The following SSU72 variants were observed in gnomAD, a reference collection of about 807,000 sequenced individuals.
SSU72 encodes the protein RNA polymerase II subunit A C-terminal domain phosphatase SSU72.
In SSU72, 12 loss-of-function variants were observed where a neutral mutation model predicts 22.7. The observed-to-expected ratio is 0.53, with a 90% confidence interval of 0.34 to 0.86. The LOEUF (loss-of-function observed/expected upper bound fraction) is 0.86. SSU72 is among the 40% of genes least tolerant of loss of function. The pLI, the probability that SSU72 is intolerant of heterozygous loss-of-function variation, is 0.02. For synonymous variants in SSU72, 116 were observed against 98.3 expected, an observed-to-expected ratio of 1.18 and a Z score of -1.06; for missense variants, 151 against 249.8, an observed-to-expected ratio of 0.60 and a Z score of 2.67.
chr1:1,549,130 G>A (rs956029701), intron 2 of SSU72, among the ~76,000 whole-genome samples: 3 of 152,200 alleles, frequency 2.0e-5, no homozygotes, highest in Non-Finnish European at 2.9e-5. Flanking sequence ...ACAGAATCAC[G>A]TTAAAATTCT....
At chr1:1,564,409 C>T in intron 2 of SSU72, 2 of 1,424,062 alleles carry the variant, frequency 1.4e-6, no homozygotes, top group South Asian at 1.5e-5. Flanking sequence ...CACGCACGCA[C>T]ACCAACCTGC....
chr1:1,552,429 C>T (rs937923922), intron 2 of SSU72, among the ~76,000 whole-genome samples: 1 of 152,202 alleles, frequency 6.6e-6, no homozygotes, highest in Admixed American at 6.5e-5. Context: ...GGACCCCCTT[C>T]GATTTTAGGG....
Position 1,542,473 on chromosome 1 carries a change from C to A in SSU72, c.484-306G>T, listed in dbSNP as rs1642334576. On this transcript the variant is annotated intron_variant, in intron 4 of 4. Coordinates refer to ENST00000291386, the MANE Select transcript of SSU72 (RefSeq NM_014188.3). This position sits in a 1 kb window ranked among gnomAD's most constrained non-coding sequence, Gnocchi z 4.4. ...CTGGCGGCCAGGGCTCAGACCCACA[C>A]ATGCACAGCGGGGCCGACCAACCCT... Among the ~76,000 whole-genome samples, 1 of 152,200 alleles carries A rather than the reference C, an allele frequency of 6.6e-6. No homozygotes were observed. Among genetic ancestry groups the A allele is most frequent in the Non-Finnish European group, 1.5e-5 (1 of 68,042 alleles).
chr1:1,567,726 G>A (rs1266974485), intron 1 of SSU72, among the ~76,000 whole-genome samples: 2 of 151,972 alleles, frequency 1.3e-5, no homozygotes, highest in African/African-American at 4.8e-5. Flanking sequence ...ACAACAGCCT[G>A]GCCAACATGG....
chr1:1,560,482 C>T (rs1642575600), intron 2 of SSU72, among the ~76,000 whole-genome samples: 3 of 152,196 alleles, frequency 2.0e-5, no homozygotes, highest in Non-Finnish European at 4.4e-5. Flanking sequence ...TAGACTCGTA[C>T]CCTGACAATC....
chr1:1,570,955 C>T (rs1642722477), intron 1 of SSU72, among the ~76,000 whole-genome samples: 1 of 146,798 alleles, frequency 6.8e-6, no homozygotes, highest in Admixed American at 6.8e-5. Context: ...ACTAAAAATA[C>T]AAAAAATTTG....
intron 2 of SSU72, chr1:1,562,436 C>T (rs1483033681): frequency 6.6e-6 from 1 of 152,296 alleles, no homozygotes; most frequent in African/African-American, 2.4e-5. Flanking sequence ...AAACCAGACT[C>T]TTGAGCACGC....
rs1257605525 is a variant in SSU72, at chr1:1,541,879, G to A, written c.*187C>T. On this transcript the variant is annotated 3_prime_UTR_variant, in exon 5 of 5. Transcript: ENST00000291386. ...ATCAATATCCTGCTCATAAGTAAAA[G>A]TGGAAAAGAAGAAACTTGATTGCTT... The A allele has an allele frequency of 1.2e-5, 7 of 588,076 alleles. No homozygotes were observed. Among genetic ancestry groups the A allele is most frequent in the South Asian group, 2.1e-5 (1 of 48,692 alleles). 36.4% of individuals were successfully genotyped at this position (588,076 alleles called of 1,614,324 possible).
intron 2 of SSU72, among the ~76,000 whole-genome samples, chr1:1,552,264 G>A (rs1249792081): frequency 6.6e-6 from 1 of 152,160 alleles, no homozygotes; most frequent in South Asian, 2.1e-4. Flanking sequence ...GAACTAGGCC[G>A]TCCCATTTTT....
In SSU72 at chr1:1,572,341, T is replaced by C. The variant is rs918141543; in HGVS notation, c.80+2137A>G. ...TACTCAGGAGGCTGAGGCAGGAGAATAGTGTGAACCCAGGAGGCGGAGCTT... is the reference window on the plus strand; with the variant it reads ...TACTCAGGAGGCTGAGGCAGGAGAACAGTGTGAACCCAGGAGGCGGAGCTT... On this transcript the variant is annotated intron_variant, in intron 1 of 4. Transcript: ENST00000291386. Among the ~76,000 whole-genome samples the C allele has an allele frequency of 9.7e-5, 14 of 144,102 alleles. No individual in the cohort carries two copies. The Admixed American group carries it at 9.7e-4, about 10-fold the overall frequency. The allele number at this position is 144,102 out of a possible 152,430, so 94.5% of individuals were successfully genotyped here.
Position 1,574,657 on chromosome 1 carries a change from C to G in SSU72, c.-100G>C, listed in dbSNP as rs1449618423. 1.1e-5 allele frequency: 6 copies of G among 526,774 alleles called. No individual in the cohort carries two copies. The highest frequency in any genetic ancestry group is 1.3e-5 in the Non-Finnish European group (6 of 453,026). 32.6% of individuals were successfully genotyped at this position (526,774 alleles called of 1,614,324 possible). On this transcript the variant is annotated 5_prime_UTR_variant, in exon 1 of 5. Coordinates refer to ENST00000291386, the MANE Select transcript of SSU72 (RefSeq NM_014188.3). ...GGCGGCCGCGGTGGCCGGAAGCGGG[C>G]GACGCGAAACGACGGCGCCGGCGGT...
intron 1 of SSU72, among the ~76,000 whole-genome samples, chr1:1,572,882 G>C (rs1390280314): frequency 6.8e-5 from 10 of 147,476 alleles, no homozygotes; most frequent in African/African-American, 1.8e-4. Context: ...TGTCTTGGGG[G>C]GGGGGGGGTG....
intron 2 of SSU72, among the ~76,000 whole-genome samples, chr1:1,553,778 C>T (rs1229885700): frequency 2.9e-5 from 4 of 135,788 alleles, no homozygotes; most frequent in Non-Finnish European, 6.1e-5. Flanking sequence ...GGTGGCAGAG[C>T]GAGACTCCGT....
intron 1 of SSU72, among the ~76,000 whole-genome samples, chr1:1,566,887 AG>A (rs1642668539): frequency 6.6e-6 from 1 of 151,766 alleles, no homozygotes; most frequent in Non-Finnish European, 1.5e-5. Context: ...ATGTTGAATG[AG>A]TAACAGTGTC....
intron 1 of SSU72, among the ~76,000 whole-genome samples, chr1:1,573,188 CG>C (rs770368436): frequency 2.1e-4 from 31 of 149,690 alleles, no homozygotes; most frequent in Admixed American, 6.7e-4. Flanking sequence ...TTTGGGAGGC[CG>C]AGCGGGCAGA....
At chr1:1,574,192 G>A (rs1222219529) in intron 1 of SSU72, among the ~76,000 whole-genome samples, 2 of 152,156 alleles carry the variant, frequency 1.3e-5, no homozygotes, top group Non-Finnish European at 2.9e-5. Context: ...CCGCCGCGCA[G>A]CCCCTCGCCG....
At chr1:1,568,653 G>A (rs907892082) in intron 1 of SSU72, among the ~76,000 whole-genome samples, 39 of 152,080 alleles carry the variant, frequency 2.6e-4, no homozygotes, top group African/African-American at 7.5e-4. Context: ...GGCGGGGCAT[G>A]GTGGCTCACG....
At chr1:1,573,210 A>T (rs993067214) in intron 1 of SSU72, among the ~76,000 whole-genome samples, 2 of 151,142 alleles carry the variant, frequency 1.3e-5, no homozygotes, top group Non-Finnish European at 1.5e-5. Context: ...TCACGAGGTC[A>T]TAAGATCAAG....
chr1:1,548,019 A>C lies in SSU72; in HGVS notation c.225-3017T>G, dbSNP rs556707079. On this transcript the variant is annotated intron_variant, in intron 2 of 4. Transcript: ENST00000291386. ...AGGGCCTGACCCATGCTAGGGCCCC[A>C]ACTGGGCATGAGGGCCTGAAACGTA... Among the ~76,000 whole-genome samples the C allele has an allele frequency of 1.0e-3, 154 of 152,346 alleles. 1 individual carries two copies. The highest frequency in any genetic ancestry group is 3.4e-3 in the African/African-American group (142 of 41,590).
Sources: allele counts gnomAD v4.1 joint callset (sites outside exome capture counted in the v4.1 genomes callset), GRCh38; gene constraint gnomAD v4.1.1; non-coding constraint Gnocchi (gnomAD v3.1); transcripts MANE v1.5; gene names NCBI Gene and HGNC (gene_info 2026-07-23, HGNC 2026-07-21).